RBM20: variants seen among roughly 807,000 people sequenced by gnomAD.
RBM20 encodes RNA-binding protein 20.
RBM20 carries 51 observed loss-of-function variants against 110.1 expected under a neutral mutation model. The ratio of observed to expected loss-of-function variants is 0.46; its 90% CI spans 0.37 to 0.59. RBM20 has a LOEUF of 0.59. Among genes scored for constraint, RBM20 ranks in the 20% least tolerant of loss-of-function variants. RBM20 has a pLI of 0.00. For missense variants in RBM20, 1,512 were observed against 1,574.9 expected, an observed-to-expected ratio of 0.96 and a Z score of 0.68; for synonymous variants, 589 against 618.2, an observed-to-expected ratio of 0.95 and a Z score of 0.70.
At chr10:110,645,205 A>G (rs1861852085) in intron 1 of RBM20, among the ~76,000 whole-genome samples, 2 of 152,126 alleles carry the variant, frequency 1.3e-5, no homozygotes, top group African/African-American at 2.4e-5. Context: ...TAATGTTACC[A>G]TCTTGTGACT....
At chr10:110,806,827 C>T (rs1413462627) in intron 7 of RBM20, among the ~76,000 whole-genome samples, 1 of 152,198 alleles carries the variant, frequency 6.6e-6, no homozygotes, top group Non-Finnish European at 1.5e-5. Flanking sequence ...GGGGTGATTA[C>T]AGCTTTGTTT....
In RBM20 at chr10:110,655,762, G is replaced by A. The variant is rs184937229; in HGVS notation, c.191+11117G>A. 1.3e-3 allele frequency among the ~76,000 whole-genome samples: 200 copies of A among 152,248 alleles called. 1 individual carries two copies. The highest frequency in any genetic ancestry group is 4.6e-3 in the African/African-American group (193 of 41,546). Reference sequence around the variant, plus strand: ...AGACTGAACAGAATCCATAAACTGGGGAAGGATTGTGCCTTTTGATCTGCG... The same window carrying A: ...AGACTGAACAGAATCCATAAACTGGAGAAGGATTGTGCCTTTTGATCTGCG... On this transcript the variant is annotated intron_variant, in intron 1 of 13. Transcript: ENST00000369519.
intron 1 of RBM20, among the ~76,000 whole-genome samples, chr10:110,733,576 T>G (rs551507763): frequency 4.6e-5 from 7 of 152,252 alleles, no homozygotes; most frequent in African/African-American, 1.7e-4. Context: ...GTACCCTGAT[T>G]GAGGTCATGG....
At chr10:110,759,984 G>A (rs1301997031) in intron 1 of RBM20, among the ~76,000 whole-genome samples, 1 of 152,220 alleles carries the variant, frequency 6.6e-6, no homozygotes, top group African/African-American at 2.4e-5. Context: ...CTGACTGTCT[G>A]CAATTAGCTC....
At chr10:110,792,177 A>G (rs1172614381) in intron 5 of RBM20, among the ~76,000 whole-genome samples, 1 of 151,500 alleles carries the variant, frequency 6.6e-6, no homozygotes, top group African/African-American at 2.4e-5. Context: ...CTATCTATCT[A>G]TCTATCTATC....
At position 110,739,328 on chromosome 10, in the gene RBM20, G is replaced by A. The variant is rs1843702867; in HGVS notation, c.192-41473G>A. ...TGTTGATTCAATATACATTCATTAGGTGCCCACTCTGGGTTACTGTGTCTC... is the reference window on the plus strand; with the variant it reads ...TGTTGATTCAATATACATTCATTAGATGCCCACTCTGGGTTACTGTGTCTC... On this transcript the variant is annotated intron_variant, in intron 1 of 13. Transcript: ENST00000369519. This position sits in a 1 kb window ranked among gnomAD's most constrained non-coding sequence, Gnocchi z 4.1. Among the ~76,000 whole-genome samples the A allele has an allele frequency of 6.6e-6, 1 of 152,116 alleles. No individual in the cohort carries two copies. Among genetic ancestry groups the A allele is most frequent in the East Asian group, 1.9e-4 (1 of 5,198 alleles).
At chr10:110,730,082 T>C (rs909924521) in intron 1 of RBM20, among the ~76,000 whole-genome samples, 3 of 152,178 alleles carry the variant, frequency 2.0e-5, no homozygotes, top group African/African-American at 7.2e-5. Context: ...CCTCCCACAG[T>C]GCTGGGATTA....
intron 1 of RBM20, among the ~76,000 whole-genome samples, chr10:110,687,995 T>TGTGTGTGTGTGTG (rs1862529719): frequency 4.1e-5 from 6 of 145,374 alleles, no homozygotes; most frequent in African/African-American, 1.3e-4. Context: ...CTAAATGGTT[T>TGTGTGTGTGTGTG]TGTGTGTGTG....
intron 1 of RBM20, among the ~76,000 whole-genome samples, chr10:110,685,705 A>G (rs1207835168): frequency 6.6e-6 from 1 of 152,128 alleles, no homozygotes; most frequent in Non-Finnish European, 1.5e-5. Flanking sequence ...GGCTGGAAGG[A>G]ACATGAAAAA....
At chr10:110,698,608 C>T (rs1862706965) in intron 1 of RBM20, among the ~76,000 whole-genome samples, 1 of 152,168 alleles carries the variant, frequency 6.6e-6, no homozygotes, top group Non-Finnish European at 1.5e-5. Context: ...CTTGGGGTGG[C>T]AGGTTCATTG....
chr10:110,660,297 T>G (rs1156545435), intron 1 of RBM20, among the ~76,000 whole-genome samples: 1 of 152,216 alleles, frequency 6.6e-6, no homozygotes, highest in East Asian at 1.9e-4. Context: ...TCACGATTCC[T>G]CAGGGAGACT....
chr10:110,686,567 A>C (rs1382379198), intron 1 of RBM20, among the ~76,000 whole-genome samples: 2 of 151,974 alleles, frequency 1.3e-5, no homozygotes, highest in Admixed American at 6.6e-5. Flanking sequence ...CAAAGGCTGC[A>C]GTGAGCTAGG....
intron 1 of RBM20, among the ~76,000 whole-genome samples, chr10:110,674,088 G>A (rs1216537101): frequency 6.6e-6 from 1 of 152,198 alleles, no homozygotes; most frequent in South Asian, 2.1e-4. Context: ...GAAGAGAGAC[G>A]ATATCTCTTT....
intron 13 of RBM20, among the ~76,000 whole-genome samples, chr10:110,832,151 G>T (rs1845064482): frequency 6.6e-6 from 1 of 152,138 alleles, no homozygotes; most frequent in South Asian, 2.1e-4. Flanking sequence ...TGGTTTTCAT[G>T]ATTAACTTCT....
Position 110,644,514 on chromosome 10 carries a change from C to G in RBM20, c.60C>G (p.Asp20Glu). ...ACCCCAGCGGTCCGGAGCAGCCGGA[C>G]AGAGTTGCCTGCAGTGTGCCTGGTG... Reference protein sequence around the residue: ...DADPSGPEQPDRVACSVPGAR... With the variant: ...DADPSGPEQPERVACSVPGAR... The change falls in exon 1 of 14, where the codon GAC becomes GAG. Residue 20 changes from aspartate to glutamate, a missense_variant. Asp to Glu is a conservative substitution (Grantham distance 45). Transcript: ENST00000369519. This position sits in a 1 kb window ranked among gnomAD's most constrained non-coding sequence, Gnocchi z 4.3. 6.5e-7 allele frequency: 1 copy of G among 1,527,544 alleles called. No individual in the cohort carries two copies. The allele number at this position is 1,527,544 out of a possible 1,614,324, so 94.6% of individuals were successfully genotyped here. A position where few individuals can be genotyped will look rare whatever the true frequency, so the allele number is the denominator to read the frequency against.
intron 1 of RBM20, among the ~76,000 whole-genome samples, chr10:110,755,495 G>A (rs765098185): frequency 4.6e-5 from 7 of 152,178 alleles, no homozygotes; most frequent in Admixed American, 1.3e-4. Context: ...ACCTTCCCTC[G>A]TAGGAAATAG....
At chr10:110,675,989 G>T (rs891855123) in intron 1 of RBM20, among the ~76,000 whole-genome samples, 1 of 152,212 alleles carries the variant, frequency 6.6e-6, no homozygotes, top group Non-Finnish European at 1.5e-5. Flanking sequence ...AGTGAGGGTG[G>T]ACATGATTTA....
chr10:110,807,552 G>A (rs1420234382), intron 7 of RBM20, among the ~76,000 whole-genome samples: 2 of 152,210 alleles, frequency 1.3e-5, no homozygotes, highest in Non-Finnish European at 2.9e-5. Flanking sequence ...AGAGCTCGTG[G>A]AATGCCTCTG....
At chr10:110,829,057 GC>G (rs1845016349) in intron 12 of RBM20, among the ~76,000 whole-genome samples, 1 of 152,158 alleles carries the variant, frequency 6.6e-6, no homozygotes, top group African/African-American at 2.4e-5. Flanking sequence ...AAACCCCAGG[GC>G]TTCTTTCCTG....
Sources: gnomAD v4.1 joint callset for allele counts (sites outside exome capture counted in the v4.1 genomes callset) on GRCh38, gnomAD v4.1.1 for gene constraint, Gnocchi (gnomAD v3.1) non-coding constraint, MANE v1.5 for transcripts, NCBI Gene and HGNC (gene_info 2026-07-23, HGNC 2026-07-21) for gene names.